Variants in MLLT3 observed in about 807,000 individuals in gnomAD.
MLLT3 encodes the protein protein AF-9.
In MLLT3, 4 loss-of-function variants were observed where a neutral mutation model predicts 53.2. The ratio of observed to expected loss-of-function variants is 0.08; its 90% CI spans 0.04 to 0.17. The LOEUF (loss-of-function observed/expected upper bound fraction) is 0.17. Ranked by LOEUF, MLLT3 falls within the 10% of genes least tolerant of loss-of-function variation. The pLI is 1.00. For missense variants in MLLT3, 569 were observed against 684.0 expected (o/e 0.83, Z 1.87); for synonymous variants, 283 against 230.6 (o/e 1.23, Z -2.06).
intron 2 of MLLT3, among the ~76,000 whole-genome samples, chr9:20,504,071 G>C (rs576429894): frequency 4.6e-5 from 7 of 152,080 alleles, no homozygotes; most frequent in African/African-American, 1.7e-4. Context: ...AGGATATAGA[G>C]AGCAGAGAAA....
rs1256057752 is a variant in MLLT3 at position 20,344,018 on chromosome 9, C to T, written c.*2425G>A. 2 of 202,158 alleles carry T rather than the reference C, an allele frequency of 9.9e-6. No individual in the cohort carries two copies. The highest frequency in any genetic ancestry group is 1.5e-4 in the East Asian group (2 of 13,038). 12.5% of individuals were successfully genotyped at this position (202,158 alleles called of 1,614,324 possible). A position where few individuals can be genotyped will look rare whatever the true frequency, so the allele number is the denominator to read the frequency against. ...TTAATTTTGTGAAAAACTTACTTTG[C>T]TATCTTGATGAGTAGAAGATGGATA... is the stretch of plus-strand genomic sequence containing the variant. On this transcript the variant is annotated 3_prime_UTR_variant, in exon 11 of 11. Transcript: ENST00000380338.
In MLLT3 at chr9:20,346,771, T is replaced by C. The variant is rs543097837; in HGVS notation, c.1576-197A>G. ...TCAAAGGTATATTAAGCCTTAGAAA[T>C]TCCCAGTGAGAACCTGTCTTGCTTT... On this transcript the variant is annotated intron_variant, in intron 10 of 10. Coordinates refer to ENST00000380338, the MANE Select transcript of MLLT3 (RefSeq NM_004529.4). Among the ~76,000 whole-genome samples, 4 of 152,244 alleles carry C rather than the reference T, an allele frequency of 2.6e-5. No homozygotes were observed. The East Asian group carries it at 5.8e-4, about 22-fold the overall frequency.
At chr9:20,410,534 C>T (rs571607216) in intron 5 of MLLT3, 108 of 152,186 alleles carry the variant, frequency 7.1e-4, no homozygotes, top group African/African-American at 2.5e-3. Flanking sequence ...CACCAGACAG[C>T]AGAATTCTAA....
chr9:20,495,447 C>T (rs1026621832), intron 2 of MLLT3, among the ~76,000 whole-genome samples: 3 of 152,140 alleles, frequency 2.0e-5, no homozygotes, highest in Non-Finnish European at 4.4e-5. Context: ...CCTGCTTGCA[C>T]GTTCTAAGTT....
intron 5 of MLLT3, among the ~76,000 whole-genome samples, chr9:20,404,062 C>T (rs972126606): frequency 6.6e-6 from 1 of 152,126 alleles, no homozygotes; most frequent in African/African-American, 2.4e-5. Flanking sequence ...CTCAAGTTAT[C>T]CACTCACCTT....
intron 2 of MLLT3, among the ~76,000 whole-genome samples, chr9:20,572,176 G>C (rs1819547386): frequency 6.6e-6 from 1 of 152,186 alleles, no homozygotes; most frequent in African/African-American, 2.4e-5. Context: ...CACAGAGGTA[G>C]AGAGTGGAAT....
At chr9:20,506,174 T>G (rs1825375719) in intron 2 of MLLT3, among the ~76,000 whole-genome samples, 1 of 151,888 alleles carries the variant, frequency 6.6e-6, no homozygotes, top group Non-Finnish European at 1.5e-5. Flanking sequence ...CCTGTCTCAG[T>G]CCCCCAAGTA....
chr9:20,429,095 G>C (rs1282278322), intron 4 of MLLT3, among the ~76,000 whole-genome samples: 1 of 152,194 alleles, frequency 6.6e-6, no homozygotes, highest in East Asian at 1.9e-4. Flanking sequence ...AGGTATGGTA[G>C]TTCATGCCTG....
intron 2 of MLLT3, among the ~76,000 whole-genome samples, chr9:20,570,293 G>T (rs566375174): frequency 6.6e-6 from 1 of 152,238 alleles, no homozygotes; most frequent in South Asian, 2.1e-4. Context: ...TCAAGTCATA[G>T]AATCTTAATT....
intron 2 of MLLT3, among the ~76,000 whole-genome samples, chr9:20,486,920 G>A (rs1344870441): frequency 6.6e-6 from 1 of 151,976 alleles, no homozygotes; most frequent in East Asian, 1.9e-4. Flanking sequence ...AGGGGAATCT[G>A]GGAGGAAATG....
rs139589160 is a variant in MLLT3, at chr9:20,503,400, A to G, written c.194-46614T>C. Among the ~76,000 whole-genome samples the G allele has an allele frequency of 1.2e-4, 18 of 152,336 alleles. No homozygotes were observed. In the East Asian group the frequency reaches 3.3e-3, roughly 28 times the overall value. On this transcript the variant is annotated intron_variant, in intron 2 of 10. Transcript: ENST00000380338. ...CCCAGAAATAAATCTACACATATAC[A>G]GTCAATTGATTTTCAACAAAGGTGC... is the stretch of plus-strand genomic sequence containing the variant.
At chr9:20,597,275 C>T (rs1182430942) in intron 2 of MLLT3, among the ~76,000 whole-genome samples, 1 of 151,154 alleles carries the variant, frequency 6.6e-6, no homozygotes, top group Non-Finnish European at 1.5e-5. Flanking sequence ...CACTGAAGTA[C>T]TTTTATTTAT....
intron 4 of MLLT3, among the ~76,000 whole-genome samples, chr9:20,430,901 T>A (rs892506947): frequency 6.6e-6 from 1 of 151,948 alleles, no homozygotes; most frequent in Non-Finnish European, 1.5e-5. Flanking sequence ...AATAGAAAAA[T>A]AAGTGGAAGA....
At chr9:20,452,621 G>A (rs765043304) in intron 3 of MLLT3, among the ~76,000 whole-genome samples, 3 of 151,954 alleles carry the variant, frequency 2.0e-5, no homozygotes, top group Admixed American at 6.6e-5. Context: ...TAATAAATAC[G>A]CAAAAGAAAG....
In MLLT3 at chr9:20,448,234, G is replaced by A. The variant is rs1410265124; in HGVS notation, c.309C>T (p.Asp103=). The A allele has an allele frequency of 6.2e-7, 1 of 1,613,542 alleles. No homozygotes were observed. Among genetic ancestry groups the A allele is most frequent in the East Asian group, 2.2e-5 (1 of 44,860 alleles). ...EEPRKVRFDY[D]LFLHLEGHPP... is the part of the protein sequence containing the mutation. ...GATGGCCTTCAAGATGCAGGAATAA[G>A]TCATAATCAAAGCGGACTTTCCTAG... Residue 103 remains aspartate, a synonymous_variant, in exon 4 of 11, where the codon GAC becomes GAT. Coordinates refer to ENST00000380338, the MANE Select transcript of MLLT3 (RefSeq NM_004529.4). The surrounding 1 kb of genome is among the most constrained non-coding windows in gnomAD (Gnocchi z 4.0).
At chr9:20,570,633 G>C (rs989662962) in intron 2 of MLLT3, among the ~76,000 whole-genome samples, 1 of 152,108 alleles carries the variant, frequency 6.6e-6, no homozygotes, top group Non-Finnish European at 1.5e-5. Context: ...TTTTGTATTT[G>C]TCAGAACCAA....
intron 2 of MLLT3, among the ~76,000 whole-genome samples, chr9:20,589,786 C>T (rs1435175174): frequency 1.3e-5 from 2 of 151,096 alleles, no homozygotes; most frequent in South Asian, 4.2e-4. Context: ...TCTCGGCTCA[C>T]TGCAACCTCT....
intron 5 of MLLT3, among the ~76,000 whole-genome samples, chr9:20,400,565 A>C (rs931290900): frequency 6.6e-6 from 1 of 152,114 alleles, no homozygotes; most frequent in Non-Finnish European, 1.5e-5. Context: ...GAAATAATGT[A>C]TCTTGGATCT....
intron 4 of MLLT3, among the ~76,000 whole-genome samples, chr9:20,425,668 C>T (rs941809484): frequency 3.9e-5 from 6 of 151,918 alleles, no homozygotes; most frequent in South Asian, 4.2e-4. Flanking sequence ...AATCTACAGA[C>T]GTAGCTTCTT....
Sources: allele counts gnomAD v4.1 joint callset (sites outside exome capture counted in the v4.1 genomes callset), GRCh38; gene constraint gnomAD v4.1.1; non-coding constraint Gnocchi (gnomAD v3.1); transcripts MANE v1.5; gene names NCBI Gene and HGNC (gene_info 2026-07-23, HGNC 2026-07-21).